Variants in SMG6 observed in about 807,000 individuals in gnomAD.
SMG6 encodes the protein telomerase-binding protein EST1A.
In SMG6, 66 loss-of-function variants were observed where a neutral mutation model predicts 142.2. The observed-to-expected ratio is 0.46, with a 90% CI of 0.38 to 0.57. The LOEUF (loss-of-function observed/expected upper bound fraction) is 0.57, where lower values mean the gene tolerates loss of function less well. Among genes scored for constraint, SMG6 ranks in the 20% least tolerant of loss-of-function variants. The probability of loss-of-function intolerance (pLI) is 0.00; values close to 1 mark genes in which losing one functional copy is unlikely to be tolerated. For missense variants in SMG6, 1,793 were observed against 1,832.0 expected, an observed-to-expected ratio of 0.98 and a Z score of 0.39; for synonymous variants, 779 against 702.4, an observed-to-expected ratio of 1.11 and a Z score of -1.72.
chr17:2,147,389 T>C (rs771950663), intron 13 of SMG6, among the ~76,000 whole-genome samples: 1 of 151,746 alleles, frequency 6.6e-6, no homozygotes, highest in African/African-American at 2.4e-5. Flanking sequence ...CAAGACTACA[T>C]CTCAAAAAAA....
rs563416350 is a variant in SMG6, at chr17:2,170,859, T to C, written c.3357+1799A>G. On this transcript the variant is annotated intron_variant, in intron 13 of 18. Coordinates refer to ENST00000263073, the MANE Select transcript of SMG6 (RefSeq NM_017575.5). ...AACTGTAAAAAAATTGGGAACATTC[T>C]CTTGGTTCAATAAAGCAAAGATTGG... Among the ~76,000 whole-genome samples, 7 of 152,324 alleles carry C rather than the reference T, an allele frequency of 4.6e-5. No homozygotes were observed. The South Asian group carries it at 1.0e-3, about 23-fold the overall frequency.
intron 13 of SMG6, among the ~76,000 whole-genome samples, chr17:2,145,079 T>C (rs767095956): frequency 1.3e-5 from 2 of 152,214 alleles, no homozygotes; most frequent in Non-Finnish European, 2.9e-5. Context: ...CAGGATGCGT[T>C]ATATTATAGT....
chr17:2,208,568 G>A (rs1199676564), intron 10 of SMG6, among the ~76,000 whole-genome samples: 2 of 152,144 alleles, frequency 1.3e-5, no homozygotes, highest in East Asian at 1.9e-4. Flanking sequence ...GAACCAATTC[G>A]TTTCTTTATA....
At chr17:2,241,812 A>AT (rs747907275) in intron 9 of SMG6, among the ~76,000 whole-genome samples, 4 of 152,250 alleles carry the variant, frequency 2.6e-5, no homozygotes, top group Non-Finnish European at 4.4e-5. Context: ...GCATAACCTG[A>AT]TAAAAATATA....
chr17:2,202,114 A>G (rs2072546105), intron 10 of SMG6, among the ~76,000 whole-genome samples: 1 of 152,260 alleles, frequency 6.6e-6, no homozygotes, highest in Admixed American at 6.5e-5. Flanking sequence ...ATGCACGCAA[A>G]GAATGTTCAT....
At chr17:2,217,779 G>A (rs1206379966) in intron 10 of SMG6, among the ~76,000 whole-genome samples, 1 of 152,016 alleles carries the variant, frequency 6.6e-6, no homozygotes, top group Non-Finnish European at 1.5e-5. Context: ...GGGAGGCCGA[G>A]GCGGGCAGAT....
intron 13 of SMG6, among the ~76,000 whole-genome samples, chr17:2,127,048 A>G (rs2069914288): frequency 6.9e-6 from 1 of 145,418 alleles, no homozygotes; most frequent in Admixed American, 7.0e-5. Flanking sequence ...CTGAGGTGGG[A>G]GGATCCCTTG....
At position 2,116,995 on chromosome 17, in the gene SMG6, T is replaced by C. The variant is rs559049562; in HGVS notation, c.3358-31094A>G. The stretch of plus-strand genomic sequence containing the variant: ...TCAATATCATTACTCATCAGGGAAA[T>C]GCAAATTAAAATCACAATGAGAACA... On this transcript the variant is annotated intron_variant, in intron 13 of 18. Coordinates refer to ENST00000263073, the MANE Select transcript of SMG6 (RefSeq NM_017575.5). Among the ~76,000 whole-genome samples, 5 of 151,624 alleles carry C rather than the reference T, an allele frequency of 3.3e-5. No individual in the cohort carries two copies. The South Asian group carries it at 1.0e-3, about 32-fold the overall frequency.
At chr17:2,168,811 C>T (rs1431870107) in intron 13 of SMG6, among the ~76,000 whole-genome samples, 6 of 151,970 alleles carry the variant, frequency 3.9e-5, no homozygotes, top group East Asian at 2.0e-4. Context: ...TGCAGTGGCA[C>T]GATCTTGGCT....
At chr17:2,229,788 C>T (rs996066855) in intron 10 of SMG6, among the ~76,000 whole-genome samples, 61 of 152,180 alleles carry the variant, frequency 4.0e-4, no homozygotes, top group African/African-American at 1.4e-3. Context: ...AACATACCTA[C>T]TTTCTCTGTG....
At chr17:2,122,973 C>A (rs2069750320) in intron 13 of SMG6, among the ~76,000 whole-genome samples, 1 of 152,238 alleles carries the variant, frequency 6.6e-6, no homozygotes, top group Non-Finnish European at 1.5e-5. Flanking sequence ...GGCAGAAAGC[C>A]ACTCTCTGTA....
At chr17:2,234,567 A>G (rs2073595628) in intron 10 of SMG6, among the ~76,000 whole-genome samples, 1 of 152,138 alleles carries the variant, frequency 6.6e-6, no homozygotes, top group Non-Finnish European at 1.5e-5. Context: ...CCGGCCTACC[A>G]TTATTTTCTT....
At position 2,172,855 on chromosome 17, in the gene SMG6, C is replaced by T; in HGVS notation, c.3160G>A (p.Ala1054Thr). 7 of 1,613,912 alleles carry T rather than the reference C, an allele frequency of 4.3e-6. No individual in the cohort carries two copies. Among genetic ancestry groups the T allele is most frequent in the Non-Finnish European group, 5.9e-6 (7 of 1,179,806 alleles). Residue 1054 changes from alanine (A) to threonine (T), a missense_variant, in exon 13 of 19, where the codon GCT becomes ACT. Physicochemically the swap from Ala to Thr is moderately conservative, Grantham distance 58. Transcript: ENST00000263073. Reference sequence around the variant, plus strand: ...GCCAGCGTCGACCATACATCCACAGCAACACTGTGAGAAATAAGGTAAGAA... The same window carrying T: ...GCCAGCGTCGACCATACATCCACAGTAACACTGTGAGAAATAAGGTAAGAA... ...PTSLDLPSHVAVDVWSTLADF... is the reference protein window; with the variant it reads ...PTSLDLPSHVTVDVWSTLADF...
intron 13 of SMG6, chr17:2,088,343 C>A (rs1263304291): frequency 3.0e-6 from 3 of 985,286 alleles, no homozygotes; most frequent in Non-Finnish European, 3.6e-6. Flanking sequence ...ATGTGGACAT[C>A]CTGAGGCCAC....
At chr17:2,158,875 A>G (rs1199286884) in intron 13 of SMG6, among the ~76,000 whole-genome samples, 1 of 151,152 alleles carries the variant, frequency 6.6e-6, no homozygotes. Context: ...AAAAAAAAAA[A>G]AAGTTTGCTG....
At chr17:2,220,057 G>A (rs1171752029) in intron 10 of SMG6, among the ~76,000 whole-genome samples, 1 of 152,082 alleles carries the variant, frequency 6.6e-6, no homozygotes, top group Admixed American at 6.6e-5. Flanking sequence ...AAGTAGCTGG[G>A]ACTACAGACA....
At chr17:2,294,438 A>T (rs1474711068) in intron 4 of SMG6, among the ~76,000 whole-genome samples, 1 of 152,200 alleles carries the variant, frequency 6.6e-6, no homozygotes, top group Non-Finnish European at 1.5e-5. Flanking sequence ...TGGACGATTG[A>T]GCCTCTGCTT....
At chr17:2,140,238 C>T (rs970874647) in intron 13 of SMG6, among the ~76,000 whole-genome samples, 2 of 151,944 alleles carry the variant, frequency 1.3e-5, no homozygotes, top group African/African-American at 4.8e-5. Context: ...AGTTTTTGTA[C>T]TTTTAGTAGA....
chr17:2,216,674 G>A (rs1290126079), intron 10 of SMG6, among the ~76,000 whole-genome samples: 1 of 152,006 alleles, frequency 6.6e-6, no homozygotes, highest in Non-Finnish European at 1.5e-5. Flanking sequence ...GCCCTTTTTT[G>A]TGAGAATAAG....
Sources: gnomAD v4.1 joint callset for allele counts (sites outside exome capture counted in the v4.1 genomes callset) on GRCh38, gnomAD v4.1.1 for gene constraint, MANE v1.5 for transcripts, NCBI Gene and HGNC (gene_info 2026-07-23, HGNC 2026-07-21) for gene names.